Variants in SPTSSA observed in about 807,000 individuals in gnomAD.
SPTSSA encodes small subunit of serine palmitoyltransferase A.
Under a neutral mutation model 9.1 loss-of-function variants are expected in SPTSSA, and 8 were observed. The observed-to-expected ratio is 0.88, with a 90% confidence interval of 0.51 to 1.58. SPTSSA has a LOEUF of 1.58. Ranked by LOEUF, SPTSSA falls within the 40% of genes most tolerant of loss-of-function variation. The probability of loss-of-function intolerance (pLI) is 0.00; values close to 1 mark genes in which losing one functional copy is unlikely to be tolerated. For missense variants in SPTSSA, 100 were observed against 93.8 expected (o/e 1.07, Z -0.27); for synonymous variants, 42 against 37.7 (o/e 1.11, Z -0.41).
chr14:34,436,676 G>A (rs1216818064), intron 1 of SPTSSA, among the ~76,000 whole-genome samples: 2 of 152,068 alleles, frequency 1.3e-5, no homozygotes, highest in East Asian at 3.9e-4. Context: ...AACCCTTATA[G>A]CTTTCCTATG....
intron 1 of SPTSSA, among the ~76,000 whole-genome samples, chr14:34,454,063 C>T (rs879508398): frequency 2.0e-5 from 3 of 151,980 alleles, no homozygotes; most frequent in Non-Finnish European, 4.4e-5. Flanking sequence ...GCCTGTAGTC[C>T]CCACTATTTG....
rs1883183338 is a variant in SPTSSA, at chr14:34,433,049, C to T, written c.*2152G>A. ...TTAACAAAAAGTGAAAATGATTTCCCTGTTATTTACTAACAAATAGACCAG... is the reference window on the plus strand; with the variant it reads ...TTAACAAAAAGTGAAAATGATTTCCTTGTTATTTACTAACAAATAGACCAG... On this transcript the variant is annotated 3_prime_UTR_variant, in exon 2 of 2. Coordinates refer to ENST00000298130, the MANE Select transcript of SPTSSA (RefSeq NM_138288.4). 1 of 152,136 alleles carries T rather than the reference C, an allele frequency of 6.6e-6. No individual in the cohort carries two copies. Among genetic ancestry groups the T allele is most frequent in the African/African-American group, 2.4e-5 (1 of 41,424 alleles). The allele number at this position is 152,136 out of a possible 1,614,324, so 9.4% of individuals were successfully genotyped here.
At chr14:34,437,843 C>T (rs1380676708) in intron 1 of SPTSSA, among the ~76,000 whole-genome samples, 1 of 152,100 alleles carries the variant, frequency 6.6e-6, no homozygotes, top group African/African-American at 2.4e-5. Flanking sequence ...CTCTGTTGTC[C>T]AGGCTAGACT....
At chr14:34,443,830 C>G (rs1883374606) in intron 1 of SPTSSA, among the ~76,000 whole-genome samples, 1 of 152,068 alleles carries the variant, frequency 6.6e-6, no homozygotes, top group South Asian at 2.1e-4. Context: ...GCCACTGTGC[C>G]CAGCTGAGTA....
chr14:34,454,091 G>C (rs1364306554), intron 1 of SPTSSA, among the ~76,000 whole-genome samples: 1 of 152,106 alleles, frequency 6.6e-6, no homozygotes, highest in Non-Finnish European at 1.5e-5. Flanking sequence ...GAGGCGGGAA[G>C]ATCACTTAAG....
intron 1 of SPTSSA, among the ~76,000 whole-genome samples, chr14:34,451,365 T>C (rs879149030): frequency 6.6e-6 from 1 of 152,174 alleles, no homozygotes; most frequent in Non-Finnish European, 1.5e-5. Flanking sequence ...ATAGTCACAT[T>C]AAAAAGCAAA....
At chr14:34,456,865 C>T (rs1317978591) in intron 1 of SPTSSA, among the ~76,000 whole-genome samples, 2 of 150,006 alleles carry the variant, frequency 1.3e-5, no homozygotes, top group Non-Finnish European at 3.0e-5. Context: ...CGCCACTGCA[C>T]TCCAGCCTGG....
chr14:34,457,000 C>G (rs1056397111), intron 1 of SPTSSA, among the ~76,000 whole-genome samples: 1 of 142,256 alleles, frequency 7.0e-6, no homozygotes, highest in Admixed American at 6.9e-5. Context: ...TATTTTGAGA[C>G]GGAGCATTTG....
intron 1 of SPTSSA, among the ~76,000 whole-genome samples, chr14:34,442,874 G>A (rs901570829): frequency 2.0e-5 from 3 of 152,026 alleles, no homozygotes; most frequent in Admixed American, 6.6e-5. Context: ...AAGTAAAACC[G>A]CCAAGCTTGT....
intron 1 of SPTSSA, among the ~76,000 whole-genome samples, chr14:34,440,647 C>T (rs1406633799): frequency 1.3e-5 from 2 of 152,022 alleles, no homozygotes; most frequent in African/African-American, 2.4e-5. Flanking sequence ...TTTGGGAGGC[C>T]GAGGCGGGTG....
chr14:34,440,306 A>G (rs943663946), intron 1 of SPTSSA, among the ~76,000 whole-genome samples: 10 of 152,358 alleles, frequency 6.6e-5, no homozygotes, highest in African/African-American at 2.4e-4. Flanking sequence ...AGACAAAAAC[A>G]GTTTCCAGGC....
intron 1 of SPTSSA, among the ~76,000 whole-genome samples, chr14:34,456,842 C>T (rs962841209): frequency 2.0e-5 from 3 of 148,736 alleles, no homozygotes; most frequent in Non-Finnish European, 4.5e-5. Flanking sequence ...GAGGTTGCAG[C>T]GAGCCAAGAT....
chr14:34,446,039 T>A (rs1194476096), intron 1 of SPTSSA, among the ~76,000 whole-genome samples: 1 of 152,216 alleles, frequency 6.6e-6, no homozygotes, highest in African/African-American at 2.4e-5. Context: ...TATAAAAGCT[T>A]TCCCATGCAA....
intron 1 of SPTSSA, among the ~76,000 whole-genome samples, chr14:34,435,617 G>C (rs373939325): frequency 3.7e-5 from 4 of 107,896 alleles, no homozygotes; most frequent in African/African-American, 1.5e-4. Context: ...TTGTTTGTTT[G>C]TTTCTCTTTT....
At chr14:34,459,484 G>GAAGAT (rs1878568886) in intron 1 of SPTSSA, among the ~76,000 whole-genome samples, 1 of 147,734 alleles carries the variant, frequency 6.8e-6, no homozygotes, top group South Asian at 2.1e-4. Flanking sequence ...AAAAGAAAAA[G>GAAGAT]AAGAAAATTA....
chr14:34,457,112 G>A (rs1420575503), intron 1 of SPTSSA, among the ~76,000 whole-genome samples: 1 of 151,622 alleles, frequency 6.6e-6, no homozygotes, highest in Non-Finnish European at 1.5e-5. Context: ...CCATGTAGCT[G>A]GGACTACAGG....
intron 1 of SPTSSA, among the ~76,000 whole-genome samples, chr14:34,458,655 C>T (rs527624250): frequency 2.1e-5 from 3 of 141,282 alleles, no homozygotes; most frequent in South Asian, 4.5e-4. Flanking sequence ...CGCCACCACA[C>T]TCAGCTAATT....
intron 1 of SPTSSA, among the ~76,000 whole-genome samples, chr14:34,457,831 G>C (rs1294790813): frequency 6.6e-6 from 1 of 151,890 alleles, no homozygotes; most frequent in Admixed American, 6.6e-5. Context: ...AATTTAGCTG[G>C]GCATGGTGGC....
intron 1 of SPTSSA, among the ~76,000 whole-genome samples, chr14:34,453,441 A>G (rs1215153452): frequency 6.6e-6 from 1 of 152,250 alleles, no homozygotes; most frequent in Non-Finnish European, 1.5e-5. Flanking sequence ...ACACTGCCTC[A>G]ATGGCAGCCC....
Sources: gnomAD v4.1 joint callset for allele counts (sites outside exome capture counted in the v4.1 genomes callset) on GRCh38, gnomAD v4.1.1 for gene constraint, MANE v1.5 for transcripts, NCBI Gene and HGNC (gene_info 2026-07-23, HGNC 2026-07-21) for gene names.